Variants in CKAP5 observed in about 807,000 individuals in gnomAD.
CKAP5 encodes cytoskeleton associated protein 5, also known as cytoskeleton-associated protein 5.
A neutral mutation model predicts 232.8 loss-of-function variants in CKAP5; 27 were observed. That is an observed-to-expected ratio of 0.12 (90% CI 0.09 to 0.16). The LOEUF (loss-of-function observed/expected upper bound fraction) is 0.16. CKAP5 is among the 10% of genes least tolerant of loss of function. The pLI is 1.00. For synonymous variants in CKAP5, 785 were observed against 841.1 expected (o/e 0.93, Z 1.16); for missense variants, 1,838 against 2,424.7 (o/e 0.76, Z 5.08).
intron 18 of CKAP5, among the ~76,000 whole-genome samples, chr11:46,781,204 C>T (rs1029044880): frequency 2.0e-5 from 3 of 152,194 alleles, no homozygotes; most frequent in African/African-American, 7.2e-5. Flanking sequence ...TCCAGTTATT[C>T]AGGCTATCCT....
At chr11:46,815,894 A>T (rs1202769725) in intron 4 of CKAP5, among the ~76,000 whole-genome samples, 1 of 152,198 alleles carries the variant, frequency 6.6e-6, no homozygotes, top group African/African-American at 2.4e-5. Flanking sequence ...CCTGTTAGGA[A>T]CCAGGCACAC....
At position 46,751,299 on chromosome 11, in the gene CKAP5, G is replaced by T. The variant is rs1212605254; in HGVS notation, c.5323-44C>A. 3 of 1,613,960 alleles carry T rather than the reference G, an allele frequency of 1.9e-6. No homozygotes were observed. In the East Asian group the frequency reaches 6.7e-5, roughly 36 times the overall value. ...TGACTGATAGCACTGCCATTTCCAT[G>T]ATTTTCTCTCAAGCTCCCTCAGAGA... On this transcript the variant is annotated intron_variant, in intron 39 of 43. Transcript: ENST00000529230.
At chr11:46,820,866 A>C (rs1270479842) in intron 2 of CKAP5, 3 of 192,438 alleles carry the variant, frequency 1.6e-5, no homozygotes, top group Non-Finnish European at 3.1e-5. Flanking sequence ...AATATTAGTA[A>C]GTACTTAGGT....
chr11:46,785,788 T>C (rs2065386150), intron 16 of CKAP5, among the ~76,000 whole-genome samples: 1 of 152,066 alleles, frequency 6.6e-6, no homozygotes, highest in African/African-American at 2.4e-5. Context: ...CTACAACAAG[T>C]ACAAAAATTA....
chr11:46,758,905 C>G lies in CKAP5; in HGVS notation c.4689+18G>C. 1 of 1,612,810 alleles carries G rather than the reference C, an allele frequency of 6.2e-7. No homozygotes were observed. The highest frequency in any genetic ancestry group is 2.2e-5 in the East Asian group (1 of 44,864). On this transcript the variant is annotated intron_variant, in intron 35 of 43. Coordinates refer to ENST00000529230, the MANE Select transcript of CKAP5 (RefSeq NM_001008938.4). ...ATGTCCACCAATGGAATCCCTGTCA[C>G]GGGAGCACACCCATTACCTGTGTCA...
At chr11:46,773,332 C>T (rs2065265086) in intron 24 of CKAP5, among the ~76,000 whole-genome samples, 1 of 151,874 alleles carries the variant, frequency 6.6e-6, no homozygotes, top group Non-Finnish European at 1.5e-5. Context: ...TCACTGCAAC[C>T]TCCGCCTCCC....
rs537051433 is a variant in CKAP5, at chr11:46,752,542, A to G, written c.5133+93T>C. 55 of 897,554 alleles carry G rather than the reference A, an allele frequency of 6.1e-5. No homozygotes were observed. The African/African-American group carries it at 7.0e-4, about 11-fold the overall frequency. The allele number at this position is 897,554 out of a possible 1,614,324, so 55.6% of individuals were successfully genotyped here. A position where few individuals can be genotyped will look rare whatever the true frequency, so the allele number is the denominator to read the frequency against. ...GGTGTGACTTGGTTGATTTGAGCCT[A>G]TGTCTTTCTTAGCTCCAATTCCTCT... On this transcript the variant is annotated intron_variant, in intron 38 of 43. Transcript: ENST00000529230.
chr11:46,813,048 C>T (rs970986876), intron 4 of CKAP5, among the ~76,000 whole-genome samples: 1 of 152,108 alleles, frequency 6.6e-6, no homozygotes, highest in African/African-American at 2.4e-5. Flanking sequence ...ACCCCCTGGG[C>T]TCAAGTAATC....
chr11:46,819,865 T>G (rs558884460), intron 2 of CKAP5, among the ~76,000 whole-genome samples: 8 of 152,096 alleles, frequency 5.3e-5, no homozygotes, highest in Non-Finnish European at 8.8e-5. Flanking sequence ...TACTAACCAA[T>G]TTAAACCAGA....
chr11:46,762,301 T>A (rs2065162055), intron 31 of CKAP5, 108 bp from the exon 32 acceptor site: 5 of 1,160,442 alleles, frequency 4.3e-6, no homozygotes, highest in Non-Finnish European at 5.1e-6. Context: ...AAAACCTTAC[T>A]CTGGCTCTGC....
rs1396577621 is a variant in CKAP5 at position 46,743,847 on chromosome 11, CAG to C, written c.*174_*175del. ...GTCTTCTAGAGCAGCAGGACGCTGA[CAG>C]AGAGAAGCAGAGTATGTACAAATAC... On this transcript the variant is annotated 3_prime_UTR_variant, in exon 44 of 44. Coordinates refer to ENST00000529230, the MANE Select transcript of CKAP5 (RefSeq NM_001008938.4). The C allele has an allele frequency of 5.4e-6, 4 of 745,214 alleles. No individual in the cohort carries two copies. The highest frequency in any genetic ancestry group is 2.7e-5 in the East Asian group (1 of 37,280). The allele number at this position is 745,214 out of a possible 1,614,324, so 46.2% of individuals were successfully genotyped here. A position where few individuals can be genotyped will look rare whatever the true frequency, so the allele number is the denominator to read the frequency against.
At chr11:46,787,551 T>C (rs534094528) in intron 16 of CKAP5, among the ~76,000 whole-genome samples, 25 of 152,346 alleles carry the variant, frequency 1.6e-4, no homozygotes, top group African/African-American at 6.0e-4. Context: ...AATGGGGCTA[T>C]ACAATTGATT....
At position 46,767,682 on chromosome 11, in the gene CKAP5, ATATATAC is replaced by A; in HGVS notation, c.3323-26_3323-20del. 3 of 1,472,820 alleles carry A rather than the reference ATATATAC, an allele frequency of 2.0e-6. No homozygotes were observed. Among genetic ancestry groups the A allele is most frequent in the Admixed American group, 3.5e-5 (2 of 57,068 alleles). 91.2% of individuals were successfully genotyped at this position (1,472,820 alleles called of 1,614,324 possible). A position where few individuals can be genotyped will look rare whatever the true frequency, so the allele number is the denominator to read the frequency against. ...GCAGGTGCTTTGAGGAAAAAAATAT[ATATATAC>A]TATAAACTTTAACTAATATCATTTT... On this transcript the variant is annotated intron_variant, in intron 26 of 43. Coordinates refer to ENST00000529230, the MANE Select transcript of CKAP5 (RefSeq NM_001008938.4).
intron 42 of CKAP5, among the ~76,000 whole-genome samples, chr11:46,749,458 A>G (rs933179006): frequency 3.0e-5 from 2 of 65,926 alleles, no homozygotes; most frequent in Non-Finnish European, 5.1e-5. Context: ...CCGTCTCAAG[A>G]AAAAAAAAAA....
chr11:46,822,015 G>C (rs1042514058), intron 1 of CKAP5, among the ~76,000 whole-genome samples: 5 of 151,992 alleles, frequency 3.3e-5, no homozygotes, highest in African/African-American at 9.7e-5. Flanking sequence ...TTCCAGCCTG[G>C]GCGACAGAGT....
chr11:46,780,999 T>C (rs1054398891), intron 18 of CKAP5, among the ~76,000 whole-genome samples: 12 of 152,194 alleles, frequency 7.9e-5, no homozygotes, highest in Non-Finnish European at 1.3e-4. Flanking sequence ...TTACAACTCC[T>C]AAATCCAATC....
intron 1 of CKAP5, among the ~76,000 whole-genome samples, chr11:46,829,161 G>A (rs1939719691): frequency 6.6e-6 from 1 of 152,148 alleles, no homozygotes. Flanking sequence ...GATTTGAACT[G>A]CACGGGTTGA....
chr11:46,840,119 C>T (rs1362351494), intron 1 of CKAP5, among the ~76,000 whole-genome samples: 2 of 151,994 alleles, frequency 1.3e-5, no homozygotes, highest in African/African-American at 4.8e-5. Context: ...GAGTGAGATC[C>T]TGTCTCAAAA....
At chr11:46,831,367 C>T (rs1939788105) in intron 1 of CKAP5, among the ~76,000 whole-genome samples, 1 of 152,154 alleles carries the variant, frequency 6.6e-6, no homozygotes, top group Admixed American at 6.5e-5. Flanking sequence ...ATACTCATCC[C>T]ATAGGCTACA....
Sources: allele counts gnomAD v4.1 joint callset (sites outside exome capture counted in the v4.1 genomes callset), GRCh38; gene constraint gnomAD v4.1.1; transcripts MANE v1.5; gene names NCBI Gene and HGNC (gene_info 2026-07-23, HGNC 2026-07-21).